PDZD2: variants seen among roughly 807,000 people sequenced by gnomAD.
The protein encoded by PDZD2 is PDZ domain-containing protein 2.
In PDZD2, 90 loss-of-function variants were observed where a neutral mutation model predicts 220.7. That is an observed-to-expected ratio of 0.41 (90% CI 0.34 to 0.49). The LOEUF (loss-of-function observed/expected upper bound fraction) is 0.49. PDZD2 is among the 20% of genes least tolerant of loss of function. The probability of loss-of-function intolerance (pLI) is 0.28; values close to 1 mark genes in which losing one functional copy is unlikely to be tolerated. For synonymous variants in PDZD2, 1,375 were observed against 1,450.5 expected, an observed-to-expected ratio of 0.95 and a Z score of 1.18; for missense variants, 3,174 against 3,608.5, an observed-to-expected ratio of 0.88 and a Z score of 3.08.
At chr5:32,020,057 A>T (rs1017164093) in intron 6 of PDZD2, among the ~76,000 whole-genome samples, 3 of 141,796 alleles carry the variant, frequency 2.1e-5, no homozygotes, top group African/African-American at 7.4e-5. Context: ...ACATATATAT[A>T]TATTTTTTTA....
chr5:31,903,163 G>C (rs1742260409), intron 2 of PDZD2, among the ~76,000 whole-genome samples: 1 of 151,746 alleles, frequency 6.6e-6, no homozygotes, highest in South Asian at 2.1e-4. Flanking sequence ...GCGTGGTACT[G>C]CATGCCTGTA....
chr5:31,983,871 G>A (rs1243686578), intron 3 of PDZD2, among the ~76,000 whole-genome samples: 9 of 152,104 alleles, frequency 5.9e-5, no homozygotes, highest in African/African-American at 2.2e-4. Flanking sequence ...GATCAGAGGA[G>A]AATGACAAAA....
At chr5:31,710,725 A>C (rs577623364) in intron 1 of PDZD2, among the ~76,000 whole-genome samples, 80 of 152,038 alleles carry the variant, frequency 5.3e-4, no homozygotes, top group African/African-American at 1.9e-3. Context: ...CTGAGGCAGG[A>C]GAATCGCTTG....
At chr5:31,850,243 T>TATATATATATATATATAC (rs577432352) in intron 2 of PDZD2, among the ~76,000 whole-genome samples, 30 of 122,234 alleles carry the variant, frequency 2.5e-4, no homozygotes, top group African/African-American at 8.4e-4. Flanking sequence ...TATATATATA[T>TATATATATATATATATAC]ACACACACAC....
intron 2 of PDZD2, among the ~76,000 whole-genome samples, chr5:31,970,758 G>A (rs891675721): frequency 2.0e-5 from 3 of 152,170 alleles, no homozygotes; most frequent in African/African-American, 4.8e-5. Context: ...CTTGCTAAAG[G>A]AAAGATTGGC....
chr5:31,912,040 C>T (rs996337715), intron 2 of PDZD2, among the ~76,000 whole-genome samples: 23 of 152,278 alleles, frequency 1.5e-4, no homozygotes, highest in African/African-American at 5.3e-4. Flanking sequence ...TCCACCCTGG[C>T]CCCGGCCCCA....
At chr5:31,905,645 A>T (rs1742578003) in intron 2 of PDZD2, among the ~76,000 whole-genome samples, 1 of 152,204 alleles carries the variant, frequency 6.6e-6, no homozygotes, top group Non-Finnish European at 1.5e-5. Flanking sequence ...CTCACTACAG[A>T]GTTAACCTTC....
chr5:31,894,951 A>G (rs1741403261), intron 2 of PDZD2, among the ~76,000 whole-genome samples: 1 of 151,952 alleles, frequency 6.6e-6, no homozygotes, highest in African/African-American at 2.4e-5. Context: ...TTGCCATAGC[A>G]TGATCTCGGC....
At chr5:31,671,826 A>T (rs902422527) in intron 1 of PDZD2, among the ~76,000 whole-genome samples, 1 of 152,224 alleles carries the variant, frequency 6.6e-6, no homozygotes, top group Non-Finnish European at 1.5e-5. Flanking sequence ...GTCTGTAGTT[A>T]TGCGGTCAGG....
At position 32,087,620 on chromosome 5, in the gene PDZD2, A is replaced by T. The variant is rs1404047659; in HGVS notation, c.4172A>T (p.Gln1391Leu). 6.2e-7 allele frequency: 1 copy of T among 1,614,124 alleles called. No individual in the cohort carries two copies. The highest frequency in any genetic ancestry group is 2.2e-5 in the East Asian group (1 of 44,874). ...GATTCTGTGTCCTCAAGGGCACCGC[A>T]GGCCAGCCTCTCCATGCTGCCATCC... is the stretch of plus-strand genomic sequence containing the variant. ...GADSVSSRAP[Q>L]ASLSMLPSTD... The change falls in exon 20 of 25, where the codon CAG becomes CTG. Residue 1391 changes from glutamine (Q) to leucine (L), a missense_variant. This residue lies in a region of PDZD2 where 1,861 missense variants were observed against 2,001.0 expected (regional missense o/e 0.93). Coordinates refer to ENST00000438447, the MANE Select transcript of PDZD2 (RefSeq NM_178140.4). The surrounding 1 kb of genome is among the most constrained non-coding windows in gnomAD (Gnocchi z 4.0).
chr5:31,944,026 CAGTT>C lies in PDZD2; in HGVS notation c.477-39125_477-39122del, dbSNP rs1453038782. 6.6e-5 allele frequency among the ~76,000 whole-genome samples: 10 copies of C among 152,292 alleles called. No individual in the cohort carries two copies. The South Asian group carries it at 1.0e-3, about 16-fold the overall frequency. On this transcript the variant is annotated intron_variant, in intron 2 of 24. Coordinates refer to ENST00000438447, the MANE Select transcript of PDZD2 (RefSeq NM_178140.4). ...AGTCATTACTACTTTGAGAATATGTCAGTTAGTCTGTTTAGCAACTATGTTGCTA... is the reference window on the plus strand; with the variant it reads ...AGTCATTACTACTTTGAGAATATGTCAGTCTGTTTAGCAACTATGTTGCTA...
intron 2 of PDZD2, among the ~76,000 whole-genome samples, chr5:31,839,943 C>T (rs1394573924): frequency 6.6e-6 from 1 of 152,186 alleles, no homozygotes; most frequent in Non-Finnish European, 1.5e-5. Context: ...TGTTAAGTTT[C>T]CTGTGGCCTC....
chr5:31,988,586 C>G lies in PDZD2; in HGVS notation c.978+4930C>G, dbSNP rs560298577. 2.0e-5 allele frequency among the ~76,000 whole-genome samples: 3 copies of G among 152,192 alleles called. No individual in the cohort carries two copies. The East Asian group carries it at 5.8e-4, about 29-fold the overall frequency. ...TCCTGAAGGCATGATCATTTGTTAACTCAAAATCCAGCATTTCTCCCCTGA... is the reference window on the plus strand; with the variant it reads ...TCCTGAAGGCATGATCATTTGTTAAGTCAAAATCCAGCATTTCTCCCCTGA... On this transcript the variant is annotated intron_variant, in intron 3 of 24. Transcript: ENST00000438447.
At chr5:31,697,557 G>A (rs1383506098) in intron 1 of PDZD2, among the ~76,000 whole-genome samples, 1 of 152,228 alleles carries the variant, frequency 6.6e-6, no homozygotes, top group Non-Finnish European at 1.5e-5. Flanking sequence ...ACCACTTACT[G>A]TTGACATGTC....
Position 32,092,942 on chromosome 5 carries a change from A to G in PDZD2, c.7763A>G (p.Gln2588Arg). Residue 2588 changes from glutamine (Q) to arginine (R), a missense_variant, in exon 21 of 25, where the codon CAA (glutamine) becomes CGA (arginine). Gln to Arg is a conservative substitution (Grantham distance 43). Around this residue, in one of 4 missense-constraint regions of PDZD2, gnomAD observed 631 missense variants for 789.9 expected, o/e 0.80. Transcript: ENST00000438447. ...CTTCTAGTCTCAGCGGGGGACCAGCAAAGATTACAGTCTGTTTTATCGTCA... is the reference window on the plus strand; with the variant it reads ...CTTCTAGTCTCAGCGGGGGACCAGCGAAGATTACAGTCTGTTTTATCGTCA... ...DQLLVSAGDQQRLQSVLSSVG... is the reference protein window; with the variant it reads ...DQLLVSAGDQRRLQSVLSSVG... 1 of 1,603,016 alleles carries G rather than the reference A, an allele frequency of 6.2e-7. No homozygotes were observed. Among genetic ancestry groups the G allele is most frequent in the South Asian group, 1.1e-5 (1 of 90,756 alleles).
At chr5:32,046,101 A>G (rs527574611) in intron 7 of PDZD2, among the ~76,000 whole-genome samples, 122 of 152,358 alleles carry the variant, frequency 8.0e-4, no homozygotes, top group Non-Finnish European at 1.4e-3. Context: ...TATATCATAT[A>G]AACATTGTAA....
intron 1 of PDZD2, among the ~76,000 whole-genome samples, chr5:31,740,667 G>A (rs774769407): frequency 1.3e-5 from 2 of 151,376 alleles, no homozygotes; most frequent in Non-Finnish European, 2.9e-5. Context: ...TGAACCAATT[G>A]AGAAGTCTAT....
At chr5:31,914,291 G>A (rs1043823203) in intron 2 of PDZD2, among the ~76,000 whole-genome samples, 2 of 152,218 alleles carry the variant, frequency 1.3e-5, no homozygotes, top group African/African-American at 4.8e-5. Context: ...CAATACTTTG[G>A]GGGGCTGAGG....
intron 2 of PDZD2, chr5:31,854,850 C>T (rs1174984138): frequency 7.3e-5 from 26 of 356,988 alleles, no homozygotes; most frequent in Non-Finnish European, 9.8e-5. Context: ...AGGGGAGTGG[C>T]GAGCCGAGTT....
Sources: gnomAD v4.1 joint callset for allele counts (sites outside exome capture counted in the v4.1 genomes callset) on GRCh38, gnomAD v4.1.1 for gene constraint, gnomAD v4.1.1 regional missense constraint, Gnocchi (gnomAD v3.1) non-coding constraint, MANE v1.5 for transcripts, NCBI Gene and HGNC (gene_info 2026-07-23, HGNC 2026-07-21) for gene names.